The following TBC1D32 variants were observed in gnomAD, a reference collection of about 807,000 sequenced individuals.
TBC1D32 encodes the protein protein broad-minded.
Under a neutral mutation model 170.3 loss-of-function variants are expected in TBC1D32, and 151 were observed. That is an observed-to-expected ratio of 0.89 (90% CI 0.78 to 1.01). The LOEUF is 1.01. TBC1D32 is among the 50% of genes least tolerant of loss of function. The pLI is 0.00. For synonymous variants in TBC1D32, 498 were observed against 488.0 expected (o/e 1.02, Z -0.27); for missense variants, 1,464 against 1,457.1 (o/e 1.00, Z -0.08).
At chr6:121,082,354 C>T (rs1368365303) in intron 31 of TBC1D32, among the ~76,000 whole-genome samples, 1 of 152,022 alleles carries the variant, frequency 6.6e-6, no homozygotes, top group Non-Finnish European at 1.5e-5. Flanking sequence ...TAAGAACAAT[C>T]CTACTGTTCA....
intron 15 of TBC1D32, among the ~76,000 whole-genome samples, chr6:121,257,060 G>C (rs746181977): frequency 6.6e-6 from 1 of 152,116 alleles, no homozygotes; most frequent in Non-Finnish European, 1.5e-5. Context: ...TTAGATTGTT[G>C]TAGTTACAGG....
At chr6:121,141,428 T>G (rs1420195723) in intron 24 of TBC1D32, among the ~76,000 whole-genome samples, 1 of 152,144 alleles carries the variant, frequency 6.6e-6, no homozygotes, top group African/African-American at 2.4e-5. Context: ...ATGTCTAGAA[T>G]ACATAAAGTG....
At chr6:121,106,972 A>G (rs539107305) in intron 29 of TBC1D32, among the ~76,000 whole-genome samples, 20 of 152,020 alleles carry the variant, frequency 1.3e-4, no homozygotes, top group Middle Eastern at 3.4e-3. Context: ...TTGTTTTTTA[A>G]CAAAGAGTAA....
At chr6:121,180,920 T>C (rs1376975925) in intron 22 of TBC1D32, among the ~76,000 whole-genome samples, 1 of 152,120 alleles carries the variant, frequency 6.6e-6, no homozygotes, top group African/African-American at 2.4e-5. Context: ...AATTTAAAAA[T>C]GGGCAAAAGA....
intron 24 of TBC1D32, among the ~76,000 whole-genome samples, chr6:121,141,172 A>G (rs1009323038): frequency 8.5e-5 from 13 of 152,228 alleles, no homozygotes; most frequent in Non-Finnish European, 1.3e-4. Flanking sequence ...ATACTCTTAG[A>G]GAAATAAACA....
intron 17 of TBC1D32, among the ~76,000 whole-genome samples, chr6:121,249,369 G>A (rs142624397): frequency 5.3e-5 from 8 of 151,800 alleles, no homozygotes; most frequent in East Asian, 1.9e-4. Flanking sequence ...ATAGAGAATC[G>A]GAAAAAGTTG....
At chr6:121,289,504 CA>C (rs1284399353) in intron 12 of TBC1D32, among the ~76,000 whole-genome samples, 1 of 151,982 alleles carries the variant, frequency 6.6e-6, no homozygotes, top group Non-Finnish European at 1.5e-5. Context: ...ATAAAAGATA[CA>C]AACAAATGGA....
At chr6:121,188,854 A>G (rs565351712) in intron 22 of TBC1D32, among the ~76,000 whole-genome samples, 1 of 152,336 alleles carries the variant, frequency 6.6e-6, no homozygotes, top group African/African-American at 2.4e-5. Flanking sequence ...TCTGCCAAAA[A>G]GATAAATGTG....
chr6:121,290,034 A>G lies in TBC1D32; in HGVS notation c.1372+2019T>C, dbSNP rs2128460509. On this transcript the variant is annotated intron_variant, in intron 12 of 31. Transcript: ENST00000398212. ...TAAAGACTTAAATATTAGACCTAAA[A>G]CCATAAAAACCCTAGAAGAAAACCT... Among the ~76,000 whole-genome samples, 3 of 152,298 alleles carry G rather than the reference A, an allele frequency of 2.0e-5. 1 individual carries two copies. In the South Asian group the frequency reaches 6.2e-4, roughly 32 times the overall value.
At chr6:121,135,232 A>G (rs907910250) in intron 24 of TBC1D32, among the ~76,000 whole-genome samples, 1 of 152,162 alleles carries the variant, frequency 6.6e-6, no homozygotes, top group African/African-American at 2.4e-5. Flanking sequence ...ACAATTCTAA[A>G]TTAGTGACTG....
At chr6:121,136,216 T>C (rs1457158954) in intron 24 of TBC1D32, among the ~76,000 whole-genome samples, 2 of 152,154 alleles carry the variant, frequency 1.3e-5, no homozygotes, top group African/African-American at 4.8e-5. Context: ...GGTTTTTCAA[T>C]ACTGCCATCT....
At chr6:121,274,012 T>C (rs1801871188) in intron 15 of TBC1D32, among the ~76,000 whole-genome samples, 1 of 151,994 alleles carries the variant, frequency 6.6e-6, no homozygotes, top group Non-Finnish European at 1.5e-5. Flanking sequence ...TTTGCTCAAT[T>C]AAACTCTGTT....
intron 30 of TBC1D32, among the ~76,000 whole-genome samples, chr6:121,097,744 G>A (rs1038387028): frequency 9.2e-5 from 14 of 152,084 alleles, no homozygotes; most frequent in Admixed American, 7.2e-4. Context: ...ACATGCACAC[G>A]TATGTTTATA....
chr6:121,118,585 T>C (rs2128204720), intron 26 of TBC1D32, among the ~76,000 whole-genome samples: 1 of 152,168 alleles, frequency 6.6e-6, no homozygotes, highest in East Asian at 1.9e-4. Flanking sequence ...CACCTAATAG[T>C]ATGGAAAAAA....
chr6:121,292,965 G>C (rs1320968254), intron 11 of TBC1D32, among the ~76,000 whole-genome samples: 1 of 152,128 alleles, frequency 6.6e-6, no homozygotes, highest in Non-Finnish European at 1.5e-5. Flanking sequence ...AACAGAGAGA[G>C]AGCAGCTGAA....
rs1160372863 is a variant in TBC1D32 at position 121,092,293 on chromosome 6, G to GTTTTTTTTT, written c.3466-1261_3466-1253dup. Among the ~76,000 whole-genome samples the GTTTTTTTTT allele has an allele frequency of 2.9e-3, 148 of 50,406 alleles. 20 individuals are homozygous for GTTTTTTTTT. Among genetic ancestry groups the GTTTTTTTTT allele is most frequent in the Non-Finnish European group, 4.6e-3 (106 of 23,242 alleles). The allele number at this position is 50,406 out of a possible 152,430, so 33.1% of individuals were successfully genotyped here. On this transcript the variant is annotated intron_variant, in intron 30 of 31. Transcript: ENST00000398212. The stretch of plus-strand genomic sequence containing the variant: ...AATATCTCTTCTCCTTCAGTTTTAT[G>GTTTTTTTTT]TTTTTTTTTTTTTTTTTTTTTTTTT...
intron 17 of TBC1D32, among the ~76,000 whole-genome samples, chr6:121,246,537 ATC>A (rs1797635371): frequency 6.6e-6 from 1 of 152,108 alleles, no homozygotes; most frequent in African/African-American, 2.4e-5. Context: ...CCAAGAAGAA[ATC>A]TCTGAAATGC....
intron 31 of TBC1D32, among the ~76,000 whole-genome samples, chr6:121,090,397 G>A (rs1307213027): frequency 6.6e-6 from 1 of 151,948 alleles, no homozygotes; most frequent in Non-Finnish European, 1.5e-5. Flanking sequence ...CACCACATTT[G>A]GTGATAACTT....
At chr6:121,089,996 C>T (rs1776644701) in intron 31 of TBC1D32, among the ~76,000 whole-genome samples, 2 of 149,768 alleles carry the variant, frequency 1.3e-5, no homozygotes, top group Admixed American at 1.3e-4. Context: ...TGCAGTGGTG[C>T]GATCTCGGCT....
Sources: gnomAD v4.1 joint callset for allele counts (sites outside exome capture counted in the v4.1 genomes callset) on GRCh38, gnomAD v4.1.1 for gene constraint, MANE v1.5 for transcripts, NCBI Gene and HGNC (gene_info 2026-07-23, HGNC 2026-07-21) for gene names.